Variants in OR6N1 observed in about 807,000 individuals in gnomAD.
The protein encoded by OR6N1 is olfactory receptor family 6 subfamily N member 1.
For missense variants in OR6N1, 394 were observed against 371.7 expected, an observed-to-expected ratio of 1.06 and a Z score of -0.49; for synonymous variants, 170 against 150.7, an observed-to-expected ratio of 1.13 and a Z score of -0.94.
At chr1:158,794,094 C>G in the OR6N1 span, among the ~76,000 whole-genome samples, 1 of 152,170 alleles carries the variant, frequency 6.6e-6, no homozygotes. Context: ...CTGGAGGGCA[C>G]TCCTCCTATG....
the OR6N1 span, among the ~76,000 whole-genome samples, chr1:158,840,070 T>G: frequency 6.6e-6 from 1 of 152,160 alleles, no homozygotes; most frequent in Non-Finnish European, 1.5e-5. Flanking sequence ...TAGGGGGGGA[T>G]TTTAGAAAGA....
the OR6N1 span, among the ~76,000 whole-genome samples, chr1:158,790,469 A>G: frequency 6.7e-6 from 1 of 150,202 alleles, no homozygotes; most frequent in African/African-American, 2.5e-5. Context: ...CAGTGGCGCA[A>G]TCTCGGCTCA....
the OR6N1 span, among the ~76,000 whole-genome samples, chr1:158,818,404 G>C: frequency 6.6e-6 from 1 of 152,186 alleles, no homozygotes; most frequent in African/African-American, 2.4e-5. Context: ...TCAATTTTCA[G>C]TGTCACTTCA....
At chr1:158,797,857 CTA>C in the OR6N1 span, among the ~76,000 whole-genome samples, 1 of 152,048 alleles carries the variant, frequency 6.6e-6, no homozygotes, top group African/African-American at 2.4e-5. Context: ...AAAATAGGAA[CTA>C]TGTTTTTCGT....
At chr1:158,799,084 G>A in the OR6N1 span, among the ~76,000 whole-genome samples, 7,338 of 152,192 alleles carry the variant, frequency 0.048, 346 homozygotes, top group Admixed American at 0.13. Context: ...CACTTTCAAA[G>A]TATCTAATTT....
chr1:158,836,458 T>C, the OR6N1 span, among the ~76,000 whole-genome samples: 1 of 151,958 alleles, frequency 6.6e-6, no homozygotes, highest in Non-Finnish European at 1.5e-5. Context: ...AATTTGCAGG[T>C]TGTATGTTTC....
At chr1:158,803,199 A>G in the OR6N1 span, among the ~76,000 whole-genome samples, 3 of 152,184 alleles carry the variant, frequency 2.0e-5, no homozygotes, top group Non-Finnish European at 1.5e-5. Flanking sequence ...CCTGTAGGAG[A>G]CGGAAAGTTT....
chr1:158,808,404 G>C, the OR6N1 span: 2 of 153,050 alleles, frequency 1.3e-5, no homozygotes, highest in Admixed American at 6.5e-5. Context: ...TGGGATTACA[G>C]GCGTGAGCCA....
the OR6N1 span, among the ~76,000 whole-genome samples, chr1:158,821,939 G>T: frequency 1.3e-5 from 2 of 152,126 alleles, no homozygotes; most frequent in Admixed American, 1.3e-4. Flanking sequence ...ACCAGCATTT[G>T]GTATTGTCAG....
the OR6N1 span, among the ~76,000 whole-genome samples, chr1:158,821,430 A>G: frequency 6.6e-6 from 1 of 152,222 alleles, no homozygotes; most frequent in African/African-American, 2.4e-5. Flanking sequence ...TATCATATAG[A>G]GTAGTTTCGC....
the OR6N1 span, among the ~76,000 whole-genome samples, chr1:158,787,812 G>A: frequency 6.6e-6 from 1 of 152,210 alleles, no homozygotes; most frequent in Non-Finnish European, 1.5e-5. Flanking sequence ...AACATCCCCA[G>A]TGCATTTAGG....
upstream of OR6N1, among the ~76,000 whole-genome samples, chr1:158,772,619 A>G (rs1657450502): frequency 6.6e-6 from 1 of 152,190 alleles, no homozygotes; most frequent in Admixed American, 6.5e-5. Context: ...CATAAATATC[A>G]TCAAGACCGA....
At chr1:158,804,037 G>A in the OR6N1 span, among the ~76,000 whole-genome samples, 470 of 152,282 alleles carry the variant, frequency 3.1e-3, 1 homozygote, top group Non-Finnish European at 5.1e-3. Flanking sequence ...CAGCAATGAG[G>A]CAGGAGGCAA....
chr1:158,778,875 G>A, the OR6N1 span, among the ~76,000 whole-genome samples: 156 of 151,938 alleles, frequency 1.0e-3, no homozygotes, highest in African/African-American at 3.7e-3. Flanking sequence ...AAAATCAGCC[G>A]GGCGTGGTGG....
rs780604287 is a variant in OR6N1, at chr1:158,766,587, A to G, written c.96T>C (p.Leu32=). ...CCAACACAGTCATGAGGTAAATGAGAAGCAACAAGAGGAAGAGATAAATCT... is the reference window on the plus strand; with the variant it reads ...CCAACACAGTCATGAGGTAAATGAGGAGCAACAAGAGGAAGAGATAAATCT... ...GVQIYLFLLL[L]LIYLMTVLGN... The change falls in exon 2 of 2, where the codon CTT becomes CTC. Residue 32 remains leucine (L), a synonymous_variant. Transcript: ENST00000641846. 16 of 1,613,954 alleles carry G rather than the reference A, an allele frequency of 9.9e-6. No homozygotes were observed. In the African/African-American group the frequency reaches 1.7e-4, roughly 18 times the overall value.
At chr1:158,806,491 G>A in the OR6N1 span, among the ~76,000 whole-genome samples, 2 of 152,156 alleles carry the variant, frequency 1.3e-5, no homozygotes, top group Admixed American at 1.3e-4. Flanking sequence ...GCATGTAAGG[G>A]AACTGAGGTG....
chr1:158,766,480 A>T lies in OR6N1; in HGVS notation c.203T>A (p.Phe68Tyr), dbSNP rs777866494. 5.1e-5 allele frequency: 83 copies of T among 1,614,054 alleles called. 2 individuals are homozygous for T. In the South Asian group the frequency reaches 8.8e-4, roughly 17 times the overall value. ...PMYHFVSILS[F>Y]SELGYTAATI... is the part of the protein sequence containing the mutation. ...GGCAGCTGTATAGCCAAGCTCTGAG[A>T]AGGAGAGAATGCTGACAAAGTGGTA... Residue 68 changes from phenylalanine (F) to tyrosine (Y), a missense_variant, in exon 2 of 2, where the codon TTC becomes TAC. Physicochemically the swap from Phe to Tyr is conservative, Grantham distance 22. Coordinates refer to ENST00000641846, the MANE Select transcript of OR6N1 (RefSeq NM_001005185.2).
At chr1:158,825,958 T>C in the OR6N1 span, among the ~76,000 whole-genome samples, 1 of 152,236 alleles carries the variant, frequency 6.6e-6, no homozygotes, top group African/African-American at 2.4e-5. Flanking sequence ...AAAAGAATAA[T>C]ATGTGTTGTG....
At chr1:158,768,534 C>T (rs575640986) in intron 1 of OR6N1, among the ~76,000 whole-genome samples, 113 of 152,310 alleles carry the variant, frequency 7.4e-4, no homozygotes, top group African/African-American at 2.2e-3. Context: ...TAATTGACTC[C>T]TAACAGATCT....
Sources: gnomAD v4.1 joint callset for allele counts (sites outside exome capture counted in the v4.1 genomes callset) on GRCh38, gnomAD v4.1.1 for gene constraint, MANE v1.5 for transcripts, NCBI Gene and HGNC (gene_info 2026-07-23, HGNC 2026-07-21) for gene names.